Variants in NFASC observed in about 807,000 individuals in gnomAD.
NFASC encodes the protein neurofascin homolog.
In NFASC, 43 loss-of-function variants were observed where a neutral mutation model predicts 147.5. The ratio of observed to expected loss-of-function variants is 0.29; its 90% CI spans 0.23 to 0.38. The LOEUF is 0.38. NFASC is among the 10% of genes least tolerant of loss of function. The probability of loss-of-function intolerance (pLI) is 1.00; values close to 1 mark genes in which losing one functional copy is unlikely to be tolerated. For missense variants in NFASC, 1,320 were observed against 1,689.0 expected (o/e 0.78, Z 3.83); for synonymous variants, 622 against 665.5 (o/e 0.93, Z 1.01).
At chr1:204,867,881 CT>C (rs2077244996) in intron 1 of NFASC, among the ~76,000 whole-genome samples, 1 of 152,214 alleles carries the variant, frequency 6.6e-6, no homozygotes, top group African/African-American at 2.4e-5. Context: ...CCAAGGCTCT[CT>C]TCTAAATGAC....
intron 8 of NFASC, chr1:204,962,171 GGTAACCTTGGGA>G: frequency 6.2e-7 from 1 of 1,609,248 alleles, no homozygotes; most frequent in Non-Finnish European, 8.5e-7. Flanking sequence ...GAGTCGCAGC[GGTAACCTTGGGA>G]GTAACCTTGC....
intron 1 of NFASC, among the ~76,000 whole-genome samples, chr1:204,915,075 C>T (rs546240345): frequency 1.3e-5 from 2 of 152,174 alleles, no homozygotes; most frequent in South Asian, 2.1e-4. Context: ...GTCAGGAGAT[C>T]GAGACCATCC....
In NFASC at chr1:205,002,713, T is replaced by C. The variant is rs770474742; in HGVS notation, c.3254T>C (p.Ile1085Thr). Reference protein sequence around the residue: ...LRVYSRDNEGISSTVITFMTS... With the variant: ...LRVYSRDNEGTSSTVITFMTS... ...GTTTATTCCCGGGACAACGAGGGCATCAGCAGTACCGTCATCACCTTTATG... is the reference window on the plus strand; with the variant it reads ...GTTTATTCCCGGGACAACGAGGGCACCAGCAGTACCGTCATCACCTTTATG... Residue 1085 changes from isoleucine (I) to threonine (T), a missense_variant, in exon 27 of 30, where the codon ATC becomes ACC. By Grantham distance (89) the Ile-to-Thr change is moderately conservative. This residue lies in a region of NFASC where 167 missense variants were observed against 233.8 expected (regional missense o/e 0.71). Coordinates refer to ENST00000339876, the MANE Select transcript of NFASC (RefSeq NM_001005388.3). 1.3e-6 allele frequency: 2 copies of C among 1,571,746 alleles called. No individual in the cohort carries two copies. The highest frequency in any genetic ancestry group is 2.3e-5 in the South Asian group (2 of 87,110).
Position 204,974,813 on chromosome 1 carries a change from G to A in NFASC, c.1548G>A (p.Leu516=), listed in dbSNP as rs766363767. The change falls in exon 14 of 30, where the codon CTG becomes CTA. Residue 516 remains leucine (L), a synonymous_variant. Transcript: ENST00000339876. ...ILGKAENQVR[L]EVKDPTRIYR... The stretch of plus-strand genomic sequence containing the variant: ...GCAAAGCTGAAAACCAAGTCCGCCT[G>A]GAGGTCAAAGGTAAAGGAGAGGGTT... 6.2e-7 allele frequency: 1 copy of A among 1,614,066 alleles called. No homozygotes were observed. Among genetic ancestry groups the A allele is most frequent in the East Asian group, 2.2e-5 (1 of 44,890 alleles).
chr1:204,846,468 G>C (rs1264479379), intron 1 of NFASC, among the ~76,000 whole-genome samples: 2 of 152,090 alleles, frequency 1.3e-5, no homozygotes, highest in African/African-American at 4.8e-5. Flanking sequence ...GCATGAATTA[G>C]GGTGGGGCCA....
rs752593188 is a variant in NFASC at position 204,977,732 on chromosome 1, C to T, written c.1876+7C>T. On this transcript the variant is annotated splice_region_variant and intron_variant, in intron 17 of 29. Coordinates refer to ENST00000339876, the MANE Select transcript of NFASC (RefSeq NM_001005388.3). ...TTGGCTGCCCTGCCCAAAGGTAATT[C>T]CCACTAATCACAGTCCCCTGCCAGT... The T allele has an allele frequency of 1.9e-6, 3 of 1,607,554 alleles. No individual in the cohort carries two copies. Among genetic ancestry groups the T allele is most frequent in the African/African-American group, 2.7e-5 (2 of 74,880 alleles).
In NFASC at chr1:204,909,546, G is replaced by A. The variant is rs574821606; in HGVS notation, c.-199-11086G>A. 9.9e-5 allele frequency among the ~76,000 whole-genome samples: 15 copies of A among 152,186 alleles called. No homozygotes were observed. In the South Asian group the frequency reaches 1.2e-3, roughly 13 times the overall value. Reference sequence around the variant, plus strand: ...TTTCTCCCACTCGTCATCTTCTTTCGCAGATAAAAGCTTAATTTTAGTGAA... The same window carrying A: ...TTTCTCCCACTCGTCATCTTCTTTCACAGATAAAAGCTTAATTTTAGTGAA... On this transcript the variant is annotated intron_variant, in intron 1 of 29. Transcript: ENST00000339876.
chr1:204,861,111 C>T (rs1417540195), intron 1 of NFASC, among the ~76,000 whole-genome samples: 2 of 94,642 alleles, frequency 2.1e-5, no homozygotes, highest in Admixed American at 3.5e-4. Context: ...TTTTTGGAGA[C>T]AAGATCTCAT....
chr1:204,858,982 T>G (rs1237964872), intron 1 of NFASC, among the ~76,000 whole-genome samples: 1 of 151,232 alleles, frequency 6.6e-6, no homozygotes, highest in Non-Finnish European at 1.5e-5. Flanking sequence ...CACTGACTTT[T>G]TTTTTTTTTT....
chr1:204,898,724 A>G (rs745774790), intron 1 of NFASC, among the ~76,000 whole-genome samples: 1 of 152,170 alleles, frequency 6.6e-6, no homozygotes, highest in South Asian at 2.1e-4. Context: ...CAGTCCAGAC[A>G]TGTAAGGGTT....
At chr1:204,912,529 T>C (rs2087854902) in intron 1 of NFASC, among the ~76,000 whole-genome samples, 1 of 151,468 alleles carries the variant, frequency 6.6e-6, no homozygotes, top group South Asian at 2.1e-4. Context: ...AGACGCCCCA[T>C]CTCTAAAACT....
In NFASC at chr1:204,979,292, G is replaced by A. The variant is rs1160185653; in HGVS notation, c.1979-70G>A. 1 of 1,259,844 alleles carries A rather than the reference G, an allele frequency of 7.9e-7. No individual in the cohort carries two copies. Among genetic ancestry groups the A allele is most frequent in the African/African-American group, 1.5e-5 (1 of 67,766 alleles). 78.0% of individuals were successfully genotyped at this position (1,259,844 alleles called of 1,614,324 possible). On this transcript the variant is annotated intron_variant, in intron 18 of 29. Transcript: ENST00000339876. The surrounding 1 kb of genome is among the most constrained non-coding windows in gnomAD (Gnocchi z 6.0). ...TATAAAGATCAATGGAAGCCAAGAA[G>A]GAAGTGCTTTTAAAGAAGACCACTG...
chr1:204,994,341 C>T (rs888709654), intron 24 of NFASC, among the ~76,000 whole-genome samples: 1 of 152,228 alleles, frequency 6.6e-6, no homozygotes, highest in Non-Finnish European at 1.5e-5. Context: ...AGCCATCTCT[C>T]ATCCTTACCT....
At chr1:204,880,522 A>T (rs12044054) in intron 1 of NFASC, among the ~76,000 whole-genome samples, 1 of 151,680 alleles carries the variant, frequency 6.6e-6, no homozygotes, top group Non-Finnish European at 1.5e-5. Context: ...CGCCTAGCTA[A>T]TTTTTTGTAT....
intron 21 of NFASC, chr1:204,985,987 T>C: frequency 6.2e-7 from 1 of 1,614,068 alleles, no homozygotes; most frequent in Non-Finnish European, 8.5e-7. Context: ...GCTTCCCTGG[T>C]GACCGCCTCC....
At chr1:204,984,382 CATAT>C (rs55787898) in intron 21 of NFASC, 8,943 of 134,052 alleles carry the variant, frequency 0.067, 347 homozygotes, top group African/African-American at 0.11. Context: ...TATATATACG[CATAT>C]ATATATATAT....
intron 1 of NFASC, among the ~76,000 whole-genome samples, chr1:204,839,799 T>G (rs1243420422): frequency 6.6e-6 from 1 of 152,210 alleles, no homozygotes; most frequent in African/African-American, 2.4e-5. Context: ...GACTTCCTTT[T>G]AGTCACAGAA....
At chr1:204,901,738 C>T (rs1174394963) in intron 1 of NFASC, among the ~76,000 whole-genome samples, 2 of 151,998 alleles carry the variant, frequency 1.3e-5, no homozygotes, top group Non-Finnish European at 2.9e-5. Flanking sequence ...TAAATCACAG[C>T]ATGTTTGTAA....
At chr1:204,997,777 C>T (rs1426496421) in intron 25 of NFASC, 2 of 372,792 alleles carry the variant, frequency 5.4e-6, no homozygotes, top group Non-Finnish European at 1.0e-5. Context: ...CAGAGCCGAG[C>T]ACTCCAGAAG....
Sources: gnomAD v4.1 joint callset for allele counts (sites outside exome capture counted in the v4.1 genomes callset) on GRCh38, gnomAD v4.1.1 for gene constraint, gnomAD v4.1.1 regional missense constraint, Gnocchi (gnomAD v3.1) non-coding constraint, MANE v1.5 for transcripts, NCBI Gene and HGNC (gene_info 2026-07-23, HGNC 2026-07-21) for gene names.